The following CCSER1 variants were observed in gnomAD, a reference collection of about 807,000 sequenced individuals.
CCSER1 encodes coiled-coil serine rich protein 1, also known as serine-rich coiled-coil domain-containing protein 1.
Under a neutral mutation model 82.0 loss-of-function variants are expected in CCSER1, and 41 were observed. That is an observed-to-expected ratio of 0.50 (90% CI 0.39 to 0.65). The LOEUF is 0.65. Ranked by LOEUF, CCSER1 falls within the 30% of genes least tolerant of loss-of-function variation. The pLI, the probability that CCSER1 is intolerant of heterozygous loss-of-function variation, is 0.00. For missense variants in CCSER1, 1,119 were observed against 1,064.2 expected, an observed-to-expected ratio of 1.05 and a Z score of -0.72; for synonymous variants, 414 against 383.9, an observed-to-expected ratio of 1.08 and a Z score of -0.92.
chr4:90,971,068 A>G (rs72882900), intron 9 of CCSER1, among the ~76,000 whole-genome samples: 4,056 of 152,064 alleles, frequency 0.027, 145 homozygotes, highest in African/African-American at 0.077. Flanking sequence ...AGTAAATATT[A>G]CAGCAGAAGT....
chr4:91,400,047 C>CT (rs1412614390), intron 10 of CCSER1, among the ~76,000 whole-genome samples: 1 of 152,006 alleles, frequency 6.6e-6, no homozygotes, highest in Non-Finnish European at 1.5e-5. Context: ...GAGCAAAACA[C>CT]TGATTTAAGC....
chr4:90,533,256 A>T (rs892515156), intron 5 of CCSER1, among the ~76,000 whole-genome samples: 1 of 151,224 alleles, frequency 6.6e-6, no homozygotes, highest in Non-Finnish European at 1.5e-5. Flanking sequence ...CACGCCTGGC[A>T]ACTTTTTTTT....
intron 1 of CCSER1, among the ~76,000 whole-genome samples, chr4:90,167,457 A>G (rs1391415148): frequency 6.6e-6 from 1 of 152,122 alleles, no homozygotes; most frequent in East Asian, 1.9e-4. Flanking sequence ...ATGGTTTGGG[A>G]CAATTTTATT....
chr4:90,798,106 A>G (rs1756288693), intron 7 of CCSER1, among the ~76,000 whole-genome samples: 2 of 151,298 alleles, frequency 1.3e-5, no homozygotes, highest in Non-Finnish European at 2.9e-5. Context: ...TTTTTCAGGT[A>G]CACCAAAGAG....
At chr4:90,827,022 T>C (rs994948876) in intron 8 of CCSER1, among the ~76,000 whole-genome samples, 8 of 152,288 alleles carry the variant, frequency 5.3e-5, no homozygotes, top group Non-Finnish European at 1.0e-4. Context: ...CAGACTTTAT[T>C]TGATGGCCAT....
chr4:90,982,767 T>C (rs980610648), intron 9 of CCSER1, among the ~76,000 whole-genome samples: 2 of 151,772 alleles, frequency 1.3e-5, no homozygotes, highest in African/African-American at 2.4e-5. Flanking sequence ...AATAAGGTCA[T>C]TCCTTTGAAC....
In CCSER1 at chr4:90,894,847, G is replaced by A. The variant is rs142182273; in HGVS notation, c.2095-28523G>A. On this transcript the variant is annotated intron_variant, in intron 8 of 10. Transcript: ENST00000509176. ...TGAGTGATTACAGTTGGCAGTGCTCGGAATTCAATGGGAAGTTCAATTTAA... is the reference window on the plus strand; with the variant it reads ...TGAGTGATTACAGTTGGCAGTGCTCAGAATTCAATGGGAAGTTCAATTTAA... 4.1e-3 allele frequency among the ~76,000 whole-genome samples: 618 copies of A among 151,946 alleles called. 7 individuals are homozygous for A. The highest frequency in any genetic ancestry group is 0.014 in the African/African-American group (590 of 41,490).
rs143428735 is a variant in CCSER1, at chr4:91,353,933, T to C, written c.2218-244639T>C. ...ACATGTGCCAGTTTTGTTATATCTT[T>C]AACTATATTTTCAACTACTTCCCCT... On this transcript the variant is annotated intron_variant, in intron 10 of 10. Transcript: ENST00000509176. Among the ~76,000 whole-genome samples, 1,115 of 152,324 alleles carry C rather than the reference T, an allele frequency of 7.3e-3. 40 individuals are homozygous for C. The highest frequency in any genetic ancestry group is 0.059 in the Admixed American group (901 of 15,302).
At chr4:91,274,876 C>T (rs547382655) in intron 10 of CCSER1, among the ~76,000 whole-genome samples, 39 of 152,054 alleles carry the variant, frequency 2.6e-4, no homozygotes, top group African/African-American at 5.8e-4. Context: ...GAGGCTGAGG[C>T]GGGCGGATCA....
chr4:90,903,851 A>AAG (rs3043027), intron 8 of CCSER1, among the ~76,000 whole-genome samples: 3 of 151,650 alleles, frequency 2.0e-5, no homozygotes, highest in Non-Finnish European at 4.4e-5. Flanking sequence ...AAAAAAAAAA[A>AAG]TAGGTAAGAC....
intron 1 of CCSER1, among the ~76,000 whole-genome samples, chr4:90,255,292 A>G (rs946202734): frequency 6.6e-5 from 10 of 152,252 alleles, no homozygotes; most frequent in Middle Eastern, 6.8e-3. Context: ...AGAGTGATCT[A>G]CATGGGAACC....
chr4:90,617,963 G>A (rs1721607857), intron 5 of CCSER1, among the ~76,000 whole-genome samples: 1 of 152,000 alleles, frequency 6.6e-6, no homozygotes. Flanking sequence ...TTTTGTGTGT[G>A]TGGCTGTGAG....
intron 10 of CCSER1, among the ~76,000 whole-genome samples, chr4:91,490,960 T>C (rs1258862569): frequency 9.7e-6 from 1 of 102,572 alleles, no homozygotes; most frequent in Non-Finnish European, 1.9e-5. Flanking sequence ...CCATAAAAAT[T>C]AAAAATTAAA....
intron 10 of CCSER1, among the ~76,000 whole-genome samples, chr4:91,172,106 C>T (rs1360370123): frequency 7.9e-5 from 12 of 151,932 alleles, no homozygotes. Flanking sequence ...ATATAAAATC[C>T]CATATAAAAT....
At chr4:90,582,103 C>G (rs1443477555) in intron 5 of CCSER1, among the ~76,000 whole-genome samples, 1 of 152,108 alleles carries the variant, frequency 6.6e-6, no homozygotes, top group Non-Finnish European at 1.5e-5. Context: ...AATATTACTA[C>G]TGACCTCAGC....
chr4:90,624,492 C>G (rs1431675033), intron 5 of CCSER1, among the ~76,000 whole-genome samples: 1 of 152,138 alleles, frequency 6.6e-6, no homozygotes. Context: ...TATATGTTTT[C>G]CCATTAAACT....
chr4:91,223,141 G>A (rs1737883696), intron 10 of CCSER1, among the ~76,000 whole-genome samples: 1 of 151,744 alleles, frequency 6.6e-6, no homozygotes, highest in African/African-American at 2.4e-5. Context: ...TATGAGTTTT[G>A]CTAAACAAAA....
chr4:91,352,267 T>C lies in CCSER1; in HGVS notation c.2218-246305T>C, dbSNP rs573147608. On this transcript the variant is annotated intron_variant, in intron 10 of 10. Coordinates refer to ENST00000509176, the MANE Select transcript of CCSER1 (RefSeq NM_001145065.2). ...TTTTATTTTAGTTTAGTTTAGTTTT[T>C]TGAAACAGGGTCTCACTCTGTCACC... 2.6e-5 allele frequency among the ~76,000 whole-genome samples: 4 copies of C among 152,336 alleles called. No homozygotes were observed. The East Asian group carries it at 7.7e-4, about 29-fold the overall frequency.
intron 7 of CCSER1, among the ~76,000 whole-genome samples, chr4:90,808,811 A>G (rs1010407640): frequency 6.6e-6 from 1 of 152,164 alleles, no homozygotes; most frequent in Non-Finnish European, 1.5e-5. Context: ...AATTAGTACA[A>G]CCTCTGGAAA....
Sources: gnomAD v4.1 joint callset for allele counts (sites outside exome capture counted in the v4.1 genomes callset) on GRCh38, gnomAD v4.1.1 for gene constraint, MANE v1.5 for transcripts, NCBI Gene and HGNC (gene_info 2026-07-23, HGNC 2026-07-21) for gene names.